VAC14: variants seen among roughly 807,000 people sequenced by gnomAD.
VAC14 encodes the protein protein VAC14 homolog.
Under a neutral mutation model 85.3 loss-of-function variants are expected in VAC14, and 47 were observed. The observed-to-expected ratio is 0.55, with a 90% CI of 0.44 to 0.70. VAC14 has a LOEUF of 0.70. VAC14 is among the 30% of genes least tolerant of loss of function. The pLI is 0.00. For missense variants in VAC14, 861 were observed against 1,004.3 expected (o/e 0.86, Z 1.93); for synonymous variants, 447 against 430.5 (o/e 1.04, Z -0.47).
intron 14 of VAC14, among the ~76,000 whole-genome samples, chr16:70,721,151 A>T (rs1472211166): frequency 2.6e-5 from 4 of 152,214 alleles, no homozygotes; most frequent in Non-Finnish European, 1.5e-5. Flanking sequence ...AGCTCCTGGG[A>T]GAGTATGCCG....
At chr16:70,783,312 G>A in intron 6 of VAC14, 133 bp downstream of exon 6, 1 of 1,072,584 alleles carries the variant, frequency 9.3e-7, no homozygotes, top group Non-Finnish European at 1.4e-6. Flanking sequence ...GCTCCTCAAA[G>A]CGGGAAGCAC....
chr16:70,767,543 C>G (rs1217186031), intron 10 of VAC14, among the ~76,000 whole-genome samples: 2 of 152,214 alleles, frequency 1.3e-5, no homozygotes, highest in Admixed American at 1.3e-4. Context: ...TGGCAACAGC[C>G]TGAGCCTCAT....
intron 14 of VAC14, chr16:70,714,333 G>C (rs143621512): frequency 6.6e-6 from 1 of 152,248 alleles, no homozygotes; most frequent in Non-Finnish European, 1.5e-5. Context: ...ATTCACAGAC[G>C]GGGCACGCAG....
chr16:70,731,591 G>A lies in VAC14; in HGVS notation c.1565C>T (p.Thr522Ile). The change falls in exon 14 of 19, where the codon ACC becomes ATC. Residue 522 changes from threonine (T) to isoleucine (I), a missense_variant. Coordinates refer to ENST00000261776, the MANE Select transcript of VAC14 (RefSeq NM_018052.5). ...GAACTTATAAAAGTAAGAATTCATG[G>A]TGGGAGTTGAAGGAGAACATTCTAA... ...KGLECSPSTPTMNSYFYKFMI... is the reference protein window; with the variant it reads ...KGLECSPSTPIMNSYFYKFMI... 7 of 1,614,126 alleles carry A rather than the reference G, an allele frequency of 4.3e-6. No individual in the cohort carries two copies. The highest frequency in any genetic ancestry group is 1.1e-5 in the South Asian group (1 of 91,084).
rs747988546 is a variant in VAC14, at chr16:70,692,671, C to G, written c.2186+150G>C. ...CAAGAGGCCAAGGGGCAAGTGGCTG[C>G]GGGGGGGATGGTGGTCACAGTGACA... On this transcript the variant is annotated intron_variant, in intron 18 of 18. Coordinates refer to ENST00000261776, the MANE Select transcript of VAC14 (RefSeq NM_018052.5). 3.2e-3 allele frequency: 3,325 copies of G among 1,040,414 alleles called. 12 individuals carry two copies. Among genetic ancestry groups the G allele is most frequent in the Non-Finnish European group, 3.7e-3 (2,714 of 725,340 alleles). The allele number at this position is 1,040,414 out of a possible 1,614,324, so 64.4% of individuals were successfully genotyped here. A position where few individuals can be genotyped will look rare whatever the true frequency, so the allele number is the denominator to read the frequency against.
At chr16:70,795,317 C>A (rs1035994315) in intron 1 of VAC14, among the ~76,000 whole-genome samples, 1 of 151,762 alleles carries the variant, frequency 6.6e-6, no homozygotes, top group African/African-American at 2.4e-5. Context: ...ATTAAAACAA[C>A]AACAACAACA....
At chr16:70,730,714 C>T in intron 14 of VAC14, among the ~76,000 whole-genome samples, 1 of 150,988 alleles carries the variant, frequency 6.6e-6, no homozygotes. Context: ...TTGTGTGTCT[C>T]AGCCTCTTGA....
Position 70,697,235 on chromosome 16 carries a change from C to G in VAC14, c.1859G>C (p.Cys620Ser). ...GTTGTGGCACCAGGAGCGGTACAGG[C>G]AGCAGAACAGGTTCTGGCTCTCCTG... ...KTLESQNLFCCLYRSWCHNPV... is the reference protein window; with the variant it reads ...KTLESQNLFCSLYRSWCHNPV... Residue 620 changes from cysteine (C) to serine (S), a missense_variant, in exon 16 of 19, where the codon TGC becomes TCC. By Grantham distance (112) the Cys-to-Ser change is moderately radical. Transcript: ENST00000261776. 1 of 1,613,860 alleles carries G rather than the reference C, an allele frequency of 6.2e-7. No individual in the cohort carries two copies. Among genetic ancestry groups the G allele is most frequent in the Non-Finnish European group, 8.5e-7 (1 of 1,179,906 alleles).
At chr16:70,773,250 G>A (rs1300247360) in intron 9 of VAC14, 1 of 152,180 alleles carries the variant, frequency 6.6e-6, no homozygotes, top group Non-Finnish European at 1.5e-5. Flanking sequence ...CTTAAAAAAT[G>A]ACTTTGGGGA....
At chr16:70,771,930 G>T in intron 10 of VAC14, 179 bp downstream of exon 10, 1 of 604,116 alleles carries the variant, frequency 1.7e-6, no homozygotes, top group East Asian at 2.8e-5. Flanking sequence ...TGGGTGGGGT[G>T]GGCTTGCTCA....
chr16:70,698,169 A>T (rs1156953929), intron 15 of VAC14, among the ~76,000 whole-genome samples: 1 of 152,210 alleles, frequency 6.6e-6, no homozygotes, highest in Non-Finnish European at 1.5e-5. Context: ...TAGGAGCCAG[A>T]TGTGCCCAGC....
At chr16:70,761,090 G>A in intron 12 of VAC14, 1 of 424,880 alleles carries the variant, frequency 2.4e-6, no homozygotes, top group South Asian at 1.7e-5. Context: ...GGATTTTTCT[G>A]GTAATACAGA....
At chr16:70,796,228 A>G (rs2034539552) in intron 1 of VAC14, among the ~76,000 whole-genome samples, 1 of 152,184 alleles carries the variant, frequency 6.6e-6, no homozygotes, top group Non-Finnish European at 1.5e-5. Flanking sequence ...TTAACACCAC[A>G]CTGGTGGTCT....
In VAC14 at chr16:70,783,472, C is replaced by T; in HGVS notation, c.677G>A (p.Gly226Asp). ...EILDGLFQIL[G>D]DNGKEIRKMC... ...TTTGCGAATCTCTTTGCCATTGTCA[C>T]CCAGGATCTGGAAGAGTCCATCCAG... Residue 226 changes from glycine to aspartate, a missense_variant, in exon 6 of 19, where the codon GGT becomes GAT. Around this residue, in one of 3 missense-constraint regions of VAC14, gnomAD observed 629 missense variants for 703.1 expected, o/e 0.89. Transcript: ENST00000261776. 6.2e-7 allele frequency: 1 copy of T among 1,614,114 alleles called. No individual in the cohort carries two copies. The highest frequency in any genetic ancestry group is 1.1e-5 in the South Asian group (1 of 91,086).
intron 18 of VAC14, chr16:70,690,181 G>A: frequency 1.4e-5 from 14 of 985,462 alleles, no homozygotes; most frequent in Non-Finnish European, 1.7e-5. Context: ...GGGCCCTTAG[G>A]GTGGCAAGAA....
intron 1 of VAC14, among the ~76,000 whole-genome samples, chr16:70,787,682 T>C (rs1384534197): frequency 6.6e-6 from 1 of 152,088 alleles, no homozygotes; most frequent in East Asian, 1.9e-4. Flanking sequence ...GGAAGTGGGA[T>C]GGAGCCGGAT....
chr16:70,781,695 C>T (rs575304183), intron 8 of VAC14, among the ~76,000 whole-genome samples, 174 bp downstream of exon 8: 84 of 152,228 alleles, frequency 5.5e-4, no homozygotes, highest in Non-Finnish European at 1.0e-3. Context: ...GCATCAGCCC[C>T]GGGTCCCTGG....
intron 14 of VAC14, among the ~76,000 whole-genome samples, chr16:70,727,711 C>T (rs1567543433): frequency 6.6e-6 from 1 of 152,220 alleles, no homozygotes; most frequent in Non-Finnish European, 1.5e-5. Flanking sequence ...AGGTGGATAC[C>T]CCCCTCCACC....
At chr16:70,785,357 T>C (rs1036886497) in intron 3 of VAC14, among the ~76,000 whole-genome samples, 4 of 152,214 alleles carry the variant, frequency 2.6e-5, no homozygotes, top group African/African-American at 9.6e-5. Context: ...CTAGACTAAG[T>C]GCAGCCCTCC....
Sources: allele counts gnomAD v4.1 joint callset (sites outside exome capture counted in the v4.1 genomes callset), GRCh38; gene constraint gnomAD v4.1.1; regional missense constraint gnomAD v4.1.1; transcripts MANE v1.5; gene names NCBI Gene and HGNC (gene_info 2026-07-23, HGNC 2026-07-21).